The following CDH10 variants were observed in gnomAD, a reference collection of about 807,000 sequenced individuals.
The protein encoded by CDH10 is cadherin 10.
A neutral mutation model predicts 73.1 loss-of-function variants in CDH10; 30 were observed. The observed-to-expected ratio is 0.41, with a 90% CI of 0.31 to 0.56. The LOEUF (loss-of-function observed/expected upper bound fraction) is 0.56, where lower values mean the gene tolerates loss of function less well. Ranked by LOEUF, CDH10 falls within the 20% of genes least tolerant of loss-of-function variation. The pLI, the probability that CDH10 is intolerant of heterozygous loss-of-function variation, is 0.27. For missense variants in CDH10, 815 were observed against 973.7 expected (o/e 0.84, Z 2.17); for synonymous variants, 345 against 348.2 (o/e 0.99, Z 0.10).
At chr5:24,548,132 T>TC (rs1744407469) in intron 2 of CDH10, among the ~76,000 whole-genome samples, 1 of 151,808 alleles carries the variant, frequency 6.6e-6, no homozygotes. Context: ...GTTTCTTTTC[T>TC]CTTTTTTTTT....
At chr5:24,639,947 G>C (rs1747991117) in intron 1 of CDH10, among the ~76,000 whole-genome samples, 1 of 151,786 alleles carries the variant, frequency 6.6e-6, no homozygotes, top group Admixed American at 6.6e-5. Context: ...TGGCTTGCTA[G>C]TGCAGTAAAC....
chr5:24,615,391 G>A (rs933127392), intron 1 of CDH10, among the ~76,000 whole-genome samples: 6 of 151,974 alleles, frequency 3.9e-5, no homozygotes, highest in African/African-American at 9.7e-5. Flanking sequence ...TTTTATTCAC[G>A]TTATCACAAT....
intron 1 of CDH10, among the ~76,000 whole-genome samples, chr5:24,606,594 G>C (rs554388700): frequency 1.1e-4 from 16 of 152,204 alleles, no homozygotes; most frequent in African/African-American, 3.9e-4. Flanking sequence ...CTGGGTGACA[G>C]AATGAGACTC....
At chr5:24,587,001 T>A (rs1013244714) in intron 2 of CDH10, among the ~76,000 whole-genome samples, 1 of 151,510 alleles carries the variant, frequency 6.6e-6, no homozygotes, top group Non-Finnish European at 1.5e-5. Context: ...CCCGCCACCG[T>A]GCCCGGCTAA....
At chr5:24,553,322 C>G (rs10055781) in intron 2 of CDH10, among the ~76,000 whole-genome samples, 100,310 of 151,868 alleles carry the variant, frequency 0.66, 33,246 homozygotes, top group East Asian at 0.77. Flanking sequence ...AAATGCTCAA[C>G]AGGCCCTTTC....
Position 24,638,060 on chromosome 5 carries a change from A to G in CDH10, c.-124+6534T>C, listed in dbSNP as rs546157303. 2.0e-5 allele frequency among the ~76,000 whole-genome samples: 3 copies of G among 151,746 alleles called. No homozygotes were observed. In the East Asian group the frequency reaches 5.8e-4, roughly 29 times the overall value. ...TCCACTGGGCTGGATTTCAGATTTCATACTCTATATGATGGCAAATCTAAG... is the reference window on the plus strand; with the variant it reads ...TCCACTGGGCTGGATTTCAGATTTCGTACTCTATATGATGGCAAATCTAAG... On this transcript the variant is annotated intron_variant, in intron 1 of 11. Coordinates refer to ENST00000264463, the MANE Select transcript of CDH10 (RefSeq NM_006727.5).
chr5:24,578,407 T>A (rs1383849821), intron 2 of CDH10: 1 of 275,884 alleles, frequency 3.6e-6, no homozygotes, highest in Non-Finnish European at 7.7e-6. Context: ...GACACATGGA[T>A]TCTGGCCATG....
chr5:24,631,933 A>C (rs999671171), intron 1 of CDH10, among the ~76,000 whole-genome samples: 5 of 152,104 alleles, frequency 3.3e-5, no homozygotes, highest in Non-Finnish European at 5.9e-5. Flanking sequence ...TCATTTGTCA[A>C]ATAATTCTAT....
rs750366779 is a variant in CDH10 at position 24,488,154 on chromosome 5, C to T, written c.1877-1G>A. 59 of 1,591,494 alleles carry T rather than the reference C, an allele frequency of 3.7e-5. No homozygotes were observed. The South Asian group carries it at 4.7e-4, about 13-fold the overall frequency. ...AGAGCTGCAAACAGTACTACTATAA[C>T]TTGAAAAAAGACAAGAAGATACATT... On this transcript the variant is annotated splice_acceptor_variant, in intron 11 of 11. Transcript: ENST00000264463. LOFTEE classifies it high-confidence loss of function.
chr5:24,574,081 T>C (rs1250221889), intron 2 of CDH10, among the ~76,000 whole-genome samples: 1 of 151,736 alleles, frequency 6.6e-6, no homozygotes, highest in Non-Finnish European at 1.5e-5. Context: ...GAAACAGGGT[T>C]TCACCATGTT....
chr5:24,561,736 C>G (rs745789715), intron 2 of CDH10, among the ~76,000 whole-genome samples: 1 of 152,206 alleles, frequency 6.6e-6, no homozygotes, highest in Non-Finnish European at 1.5e-5. Context: ...CATAAGACAA[C>G]CAACAGTAAG....
At chr5:24,619,918 C>T (rs1027143250) in intron 1 of CDH10, among the ~76,000 whole-genome samples, 10 of 152,062 alleles carry the variant, frequency 6.6e-5, no homozygotes, top group Non-Finnish European at 1.3e-4. Context: ...CCTTCAGAAC[C>T]GTGAGAAATA....
rs143764729 is a variant in CDH10 at position 24,635,774 on chromosome 5, T to C, written c.-124+8820A>G. Among the ~76,000 whole-genome samples, 8 of 152,038 alleles carry C rather than the reference T, an allele frequency of 5.3e-5. No homozygotes were observed. In the East Asian group the frequency reaches 1.5e-3, roughly 29 times the overall value. The stretch of plus-strand genomic sequence containing the variant: ...AAGTTTTATATTGAGCCCTTTCCAA[T>C]TACAATCATAGACTTATGAGCCCTT... On this transcript the variant is annotated intron_variant, in intron 1 of 11. Transcript: ENST00000264463.
At chr5:24,628,058 A>C (rs1190455873) in intron 1 of CDH10, among the ~76,000 whole-genome samples, 2 of 152,166 alleles carry the variant, frequency 1.3e-5, no homozygotes, top group African/African-American at 4.8e-5. Context: ...GCTGATGACC[A>C]GCTACAAGAT....
intron 2 of CDH10, among the ~76,000 whole-genome samples, chr5:24,581,656 G>A (rs576758571): frequency 4.9e-4 from 75 of 152,158 alleles, no homozygotes; most frequent in African/African-American, 1.7e-3. Flanking sequence ...CAATCCACAA[G>A]AAAACAATAG....
chr5:24,644,387 C>CTA (rs987606250), intron 1 of CDH10, among the ~76,000 whole-genome samples: 7 of 152,052 alleles, frequency 4.6e-5, no homozygotes, highest in African/African-American at 1.7e-4. Flanking sequence ...TTTACATTGC[C>CTA]TATATAGATA....
intron 2 of CDH10, among the ~76,000 whole-genome samples, chr5:24,569,925 G>A (rs1579822378): frequency 6.6e-6 from 1 of 151,916 alleles, no homozygotes; most frequent in East Asian, 1.9e-4. Context: ...CACGACGCCC[G>A]GCTAATTTTT....
At chr5:24,619,920 T>C (rs1424823484) in intron 1 of CDH10, among the ~76,000 whole-genome samples, 1 of 152,166 alleles carries the variant, frequency 6.6e-6, no homozygotes, top group Non-Finnish European at 1.5e-5. Context: ...TTCAGAACCG[T>C]GAGAAATACA....
intron 9 of CDH10, among the ~76,000 whole-genome samples, chr5:24,496,426 G>A (rs1742291192): frequency 6.6e-6 from 1 of 152,156 alleles, no homozygotes; most frequent in African/African-American, 2.4e-5. Context: ...TGGAAAAGGT[G>A]AAGGGTCAAG....
Sources: gnomAD v4.1 joint callset for allele counts (sites outside exome capture counted in the v4.1 genomes callset) on GRCh38, gnomAD v4.1.1 for gene constraint, MANE v1.5 for transcripts, NCBI Gene and HGNC (gene_info 2026-07-23, HGNC 2026-07-21) for gene names.